Variants in LHFPL3 observed in about 807,000 individuals in gnomAD.
LHFPL3 encodes LHFPL tetraspan subfamily member 3 protein.
Under a neutral mutation model 19.3 loss-of-function variants are expected in LHFPL3, and 5 were observed. The observed-to-expected ratio is 0.26, with a 90% confidence interval of 0.14 to 0.54. LHFPL3 has a LOEUF of 0.54. Ranked by LOEUF, LHFPL3 falls within the 20% of genes least tolerant of loss-of-function variation. The pLI is 0.94. For missense variants in LHFPL3, 249 were observed against 307.4 expected, an observed-to-expected ratio of 0.81 and a Z score of 1.42; for synonymous variants, 133 against 126.2, an observed-to-expected ratio of 1.05 and a Z score of -0.36.
chr7:104,778,783 A>G (rs1015747103), intron 2 of LHFPL3, among the ~76,000 whole-genome samples: 3 of 152,160 alleles, frequency 2.0e-5, no homozygotes, highest in African/African-American at 7.2e-5. Context: ...CAACACTTAC[A>G]CACTGTCATA....
At chr7:104,818,017 G>A (rs1240224278) in intron 2 of LHFPL3, among the ~76,000 whole-genome samples, 1 of 152,134 alleles carries the variant, frequency 6.6e-6, no homozygotes, top group Admixed American at 6.5e-5. Flanking sequence ...TACCGTATTG[G>A]ACAGCACAGA....
At chr7:104,742,475 G>C (rs576277515) in intron 2 of LHFPL3, among the ~76,000 whole-genome samples, 2 of 152,324 alleles carry the variant, frequency 1.3e-5, no homozygotes, top group East Asian at 3.9e-4. Flanking sequence ...AACTAATTGA[G>C]AAATCTTTCA....
intron 1 of LHFPL3, among the ~76,000 whole-genome samples, chr7:104,458,725 TA>T (rs56023324): frequency 0.037 from 5,278 of 142,822 alleles, 247 homozygotes; most frequent in East Asian, 0.14. Flanking sequence ...CTTTCTTTCT[TA>T]AAAAAAAAAA....
chr7:104,478,449 A>G (rs370626604), intron 1 of LHFPL3, among the ~76,000 whole-genome samples: 1 of 152,034 alleles, frequency 6.6e-6, no homozygotes, highest in African/African-American at 2.4e-5. Context: ...CCACCGCTCC[A>G]TTCACATGGA....
At chr7:104,670,110 G>GT (rs1024305322) in intron 1 of LHFPL3, among the ~76,000 whole-genome samples, 1 of 149,884 alleles carries the variant, frequency 6.7e-6, no homozygotes, top group African/African-American at 2.5e-5. Context: ...TTAATTCTGA[G>GT]TTTTGGGGGA....
At chr7:104,348,155 G>C in intron 1 of LHFPL3, among the ~76,000 whole-genome samples, 1 of 152,238 alleles carries the variant, frequency 6.6e-6, no homozygotes, top group Admixed American at 6.5e-5. Context: ...GGAAGACCGA[G>C]GCGTGTGGAT....
intron 1 of LHFPL3, among the ~76,000 whole-genome samples, chr7:104,703,353 A>T (rs1259714369): frequency 6.6e-6 from 1 of 152,166 alleles, no homozygotes; most frequent in African/African-American, 2.4e-5. Flanking sequence ...AACAAATTTC[A>T]AAAAAAGTTT....
chr7:104,863,677 T>C (rs187151694), intron 2 of LHFPL3, among the ~76,000 whole-genome samples: 148 of 152,376 alleles, frequency 9.7e-4, no homozygotes, highest in Non-Finnish European at 1.1e-3. Context: ...GTCCCCATTG[T>C]AGATAGAGGT....
chr7:104,504,874 A>G (rs1396523766), intron 1 of LHFPL3, among the ~76,000 whole-genome samples: 2 of 152,182 alleles, frequency 1.3e-5, no homozygotes, highest in Non-Finnish European at 2.9e-5. Context: ...TTCTTCATAG[A>G]CTTGTGGTGG....
At chr7:104,411,150 C>G (rs192389856) in intron 1 of LHFPL3, among the ~76,000 whole-genome samples, 77 of 152,292 alleles carry the variant, frequency 5.1e-4, no homozygotes, top group African/African-American at 1.7e-3. Flanking sequence ...TGTAACTGCT[C>G]TCTGCTTGCT....
At chr7:104,871,409 G>T (rs913215782) in intron 2 of LHFPL3, among the ~76,000 whole-genome samples, 1 of 152,092 alleles carries the variant, frequency 6.6e-6, no homozygotes, top group South Asian at 2.1e-4. Flanking sequence ...ACTCTGGGTG[G>T]GTCAGTGAGT....
chr7:104,328,957 T>C lies in LHFPL3; in HGVS notation c.178T>C (p.Trp60Arg). 1 of 1,614,194 alleles carries C rather than the reference T, an allele frequency of 6.2e-7. No homozygotes were observed. The highest frequency in any genetic ancestry group is 8.5e-7 in the Non-Finnish European group (1 of 1,180,036). The stretch of plus-strand genomic sequence containing the variant: ...CGTGGTGTGCTTCATCCAGCCCTAC[T>C]GGATAGGCGACGGCGTGGACACCCC... The part of the protein sequence containing the change: ...VNVVCFIQPY[W>R]IGDGVDTPQA... The change falls in exon 1 of 3, where the codon TGG becomes CGG. Residue 60 changes from tryptophan to arginine, a missense_variant. Physicochemically the swap from Trp to Arg is moderately radical, Grantham distance 101. Transcript: ENST00000424859. The surrounding 1 kb of genome is among the most constrained non-coding windows in gnomAD (Gnocchi z 4.6).
chr7:104,641,033 C>G (rs1277034858), intron 1 of LHFPL3, among the ~76,000 whole-genome samples: 1 of 152,166 alleles, frequency 6.6e-6, no homozygotes, highest in Non-Finnish European at 1.5e-5. Context: ...TTTCGTTTCC[C>G]AAGTGAACAT....
intron 2 of LHFPL3, among the ~76,000 whole-genome samples, chr7:104,849,103 G>A (rs1441697597): frequency 6.6e-6 from 1 of 152,026 alleles, no homozygotes; most frequent in Admixed American, 6.6e-5. Context: ...GCTAATTTTT[G>A]TACTTTTAGT....
intron 1 of LHFPL3, among the ~76,000 whole-genome samples, chr7:104,550,798 G>C (rs897292331): frequency 6.6e-6 from 1 of 152,092 alleles, no homozygotes; most frequent in African/African-American, 2.4e-5. Context: ...TCATTTTTAT[G>C]ATTTTAAACA....
rs188315281 is a variant in LHFPL3, at chr7:104,745,429, G to T, written c.682+8518G>T. On this transcript the variant is annotated intron_variant, in intron 2 of 2. Coordinates refer to ENST00000424859, the MANE Select transcript of LHFPL3 (RefSeq NM_199000.3). ...AACTCTTCTTATTTAAGCCACTATG[G>T]TTGAATGTGCTGCTACTTGCAACTG... Among the ~76,000 whole-genome samples, 7 of 152,306 alleles carry T rather than the reference G, an allele frequency of 4.6e-5. No homozygotes were observed. The East Asian group carries it at 1.3e-3, about 29-fold the overall frequency.
intron 1 of LHFPL3, among the ~76,000 whole-genome samples, chr7:104,482,299 A>G (rs912933599): frequency 6.6e-6 from 1 of 152,220 alleles, no homozygotes; most frequent in African/African-American, 2.4e-5. Context: ...GTCATTTACC[A>G]AATCACTTGG....
chr7:104,653,070 G>A (rs1792060332), intron 1 of LHFPL3, among the ~76,000 whole-genome samples: 1 of 152,024 alleles, frequency 6.6e-6, no homozygotes, highest in Non-Finnish European at 1.5e-5. Context: ...CAGCCTTAAG[G>A]TTTCCCAGAT....
intron 1 of LHFPL3, among the ~76,000 whole-genome samples, chr7:104,375,964 C>G (rs1182825508): frequency 6.6e-6 from 1 of 152,192 alleles, no homozygotes; most frequent in African/African-American, 2.4e-5. Context: ...ATCCAGATGC[C>G]TGGGTTCTAC....
Sources: allele counts gnomAD v4.1 joint callset (sites outside exome capture counted in the v4.1 genomes callset), GRCh38; gene constraint gnomAD v4.1.1; non-coding constraint Gnocchi (gnomAD v3.1); transcripts MANE v1.5; gene names NCBI Gene and HGNC (gene_info 2026-07-23, HGNC 2026-07-21).